CCDC38: variants seen among roughly 807,000 people sequenced by gnomAD.
CCDC38 encodes the protein coiled-coil domain-containing protein 38.
In CCDC38, 69 loss-of-function variants were observed where a neutral mutation model predicts 72.8. The ratio of observed to expected loss-of-function variants is 0.95; its 90% CI spans 0.78 to 1.16. The LOEUF is 1.16. Among genes scored for constraint, CCDC38 ranks in the 50% most tolerant of loss-of-function variants. The probability of loss-of-function intolerance (pLI) is 0.00; values close to 1 mark genes in which losing one functional copy is unlikely to be tolerated. For missense variants in CCDC38, 626 were observed against 638.9 expected, an observed-to-expected ratio of 0.98 and a Z score of 0.22; for synonymous variants, 201 against 213.2, an observed-to-expected ratio of 0.94 and a Z score of 0.50.
intron 2 of CCDC38, chr12:95,934,303 C>T (rs953888563): frequency 2.0e-5 from 3 of 151,960 alleles, no homozygotes; most frequent in Admixed American, 6.6e-5. Context: ...TGAAGATCCT[C>T]GTCTTTGGGT....
chr12:95,902,050 C>T (rs2079955675), intron 5 of CCDC38, among the ~76,000 whole-genome samples: 1 of 152,040 alleles, frequency 6.6e-6, no homozygotes, highest in Non-Finnish European at 1.5e-5. Context: ...GTTAGCCAAA[C>T]TGATATCTAA....
intron 4 of CCDC38, among the ~76,000 whole-genome samples, chr12:95,909,727 G>C (rs555538220): frequency 1.3e-5 from 2 of 152,198 alleles, no homozygotes; most frequent in East Asian, 3.9e-4. Flanking sequence ...TTTACTCCTA[G>C]AATACAAGGT....
chr12:95,936,805 T>C (rs185467720), intron 1 of CCDC38, among the ~76,000 whole-genome samples: 1 of 152,334 alleles, frequency 6.6e-6, no homozygotes, highest in Admixed American at 6.5e-5. Flanking sequence ...AAATTCCAGT[T>C]GGCCCTTAAA....
rs2079869975 is a variant in CCDC38, at chr12:95,894,991, G to A, written c.770C>T (p.Ala257Val). 3 of 1,604,952 alleles carry A rather than the reference G, an allele frequency of 1.9e-6. No homozygotes were observed. Among genetic ancestry groups the A allele is most frequent in the Non-Finnish European group, 2.5e-6 (3 of 1,176,770 alleles). Residue 257 changes from alanine to valine, a missense_variant and splice_region_variant, in exon 8 of 16, where the codon GCA (alanine) becomes GTA (valine). Ala to Val is a moderately conservative substitution (Grantham distance 64). Coordinates refer to ENST00000344280, the MANE Select transcript of CCDC38 (RefSeq NM_182496.3). ...KANIILPKIL[A>V]KLSLHSSNKE... is the part of the protein sequence containing the mutation. ...AAAGTTGAGTATAAGTAACTTACTT[G>A]CTAATATTTTTGGAAGGATGATATT...
rs377546010 is a variant in CCDC38 at position 95,890,730 on chromosome 12, C to T, written c.871+102G>A. The stretch of plus-strand genomic sequence containing the variant: ...CTGCTAGGATTGAGGGTGGGGTGGA[C>T]ACAGCCCTCCATTTTCCAGGTTGGC... On this transcript the variant is annotated intron_variant, in intron 9 of 15. Coordinates refer to ENST00000344280, the MANE Select transcript of CCDC38 (RefSeq NM_182496.3). 7.3e-4 allele frequency: 464 copies of T among 635,658 alleles called. 7 individuals carry two copies. The South Asian group carries it at 8.8e-3, about 12-fold the overall frequency. The allele number at this position is 635,658 out of a possible 1,614,324, so 39.4% of individuals were successfully genotyped here. A position where few individuals can be genotyped will look rare whatever the true frequency, so the allele number is the denominator to read the frequency against.
intron 13 of CCDC38, among the ~76,000 whole-genome samples, chr12:95,875,256 A>G (rs534225712): frequency 1.3e-5 from 2 of 152,160 alleles, no homozygotes; most frequent in Non-Finnish European, 2.9e-5. Flanking sequence ...GGGGCTGATA[A>G]TGGTGTATTC....
intron 12 of CCDC38, 29 bp from the exon 13 acceptor site, chr12:95,878,375 T>C (rs1233712519): frequency 1.2e-6 from 2 of 1,600,894 alleles, no homozygotes; most frequent in Non-Finnish European, 1.7e-6. Context: ...GAGACCCTCA[T>C]CTGAAATTTG....
At chr12:95,883,039 C>T (rs1209870949) in intron 10 of CCDC38, among the ~76,000 whole-genome samples, 1 of 152,206 alleles carries the variant, frequency 6.6e-6, no homozygotes, top group East Asian at 1.9e-4. Context: ...CTTTTCCCGA[C>T]ACTTCCCTCA....
At position 95,906,390 on chromosome 12, in the gene CCDC38, G is replaced by T. The variant is rs140518254; in HGVS notation, c.366C>A (p.Leu122=). ...FINDQRDRFL[L]EYALSTKRNT... is the part of the protein sequence containing the mutation. ...GGAGAAAAGTTATTTTTACTACCTC[G>T]AGCAGAAACCTGTCTCTCTGGTCAT... The change falls in exon 5 of 16, where the codon CTC becomes CTA. Residue 122 remains leucine (L), a synonymous_variant. Coordinates refer to ENST00000344280, the MANE Select transcript of CCDC38 (RefSeq NM_182496.3). 1.9e-6 allele frequency: 3 copies of T among 1,608,838 alleles called. No homozygotes were observed. The East Asian group carries it at 6.7e-5, about 36-fold the overall frequency.
intron 2 of CCDC38, among the ~76,000 whole-genome samples, chr12:95,928,080 T>C (rs1222053560): frequency 8.6e-5 from 13 of 150,328 alleles, no homozygotes; most frequent in Non-Finnish European, 1.9e-4. Context: ...ATCTGAATGT[T>C]GGCCTGCCTT....
chr12:95,871,556 G>T (rs144419149), intron 14 of CCDC38, among the ~76,000 whole-genome samples: 1 of 152,086 alleles, frequency 6.6e-6, no homozygotes, highest in Non-Finnish European at 1.5e-5. Context: ...GAAAGGCCCC[G>T]GTCAGGCCAT....
intron 5 of CCDC38, chr12:95,903,573 T>C: frequency 1.6e-6 from 1 of 629,238 alleles, no homozygotes; most frequent in Non-Finnish European, 2.9e-6. Flanking sequence ...CTTCTGTTCC[T>C]ACTTTGCTGA....
chr12:95,875,971 C>T (rs1354429614), intron 13 of CCDC38, among the ~76,000 whole-genome samples: 3 of 152,196 alleles, frequency 2.0e-5, no homozygotes, highest in Non-Finnish European at 4.4e-5. Flanking sequence ...GGAGATATCA[C>T]AGATATTTAT....
intron 2 of CCDC38, among the ~76,000 whole-genome samples, chr12:95,935,686 T>A (rs1461287249): frequency 6.6e-6 from 1 of 152,202 alleles, no homozygotes; most frequent in African/African-American, 2.4e-5. Flanking sequence ...TATTACAAAC[T>A]CTTAGTGTTA....
Position 95,878,238 on chromosome 12 carries a change from G to A in CCDC38, c.1251C>T (p.Ser417=), listed in dbSNP as rs775588932. Residue 417 remains serine, a synonymous_variant, in exon 13 of 16, where the codon AGC becomes AGT. Coordinates refer to ENST00000344280, the MANE Select transcript of CCDC38 (RefSeq NM_182496.3). ...GAGCATCTGAATTAAATTCTCCAAA[G>A]CTAAAGAGCTTGGACTTTAATTGCA... ...AELQLKSKLF[S]FGEFNSDAQE... is the part of the protein sequence containing the mutation. 5.0e-6 allele frequency: 8 copies of A among 1,613,416 alleles called. No individual in the cohort carries two copies. The South Asian group carries it at 5.5e-5, about 11-fold the overall frequency.
At chr12:95,870,885 T>C (rs889873601) in intron 14 of CCDC38, among the ~76,000 whole-genome samples, 4 of 152,206 alleles carry the variant, frequency 2.6e-5, no homozygotes, top group Admixed American at 6.5e-5. Context: ...CCAAGCATGC[T>C]CTCATAATTT....
chr12:95,919,370 T>A (rs991668717), intron 2 of CCDC38: 2 of 379,470 alleles, frequency 5.3e-6, no homozygotes, highest in Non-Finnish European at 1.0e-5. Flanking sequence ...GTACGGCTGC[T>A]GGGATTAGGC....
Position 95,878,335 on chromosome 12 carries a change from A to G in CCDC38, c.1154T>C (p.Ile385Thr), listed in dbSNP as rs149118920. The G allele has an allele frequency of 3.5e-4, 568 of 1,611,706 alleles. No individual in the cohort carries two copies. The highest frequency in any genetic ancestry group is 4.4e-4 in the Non-Finnish European group (521 of 1,179,328). Reference protein sequence around the residue: ...KVIQDKTNSNIEFLLEQEKML... With the variant: ...KVIQDKTNSNTEFLLEQEKML... Reference sequence around the variant, plus strand: ...TTTTTCTTGCTCCAAAAGAAACTCTATGTTGCTATTTCTATTACAAAAGAA... The same window carrying G: ...TTTTTCTTGCTCCAAAAGAAACTCTGTGTTGCTATTTCTATTACAAAAGAA... Residue 385 changes from isoleucine (I) to threonine (T), a missense_variant, in exon 13 of 16, where the codon ATA (isoleucine) becomes ACA (threonine). By Grantham distance (89) the Ile-to-Thr change is moderately conservative. Transcript: ENST00000344280.
intron 4 of CCDC38, among the ~76,000 whole-genome samples, chr12:95,912,836 G>A (rs1471959171): frequency 1.3e-5 from 2 of 152,158 alleles, no homozygotes; most frequent in African/African-American, 4.8e-5. Context: ...GAGGTAGGTG[G>A]ATCGCTTCAG....
Sources: allele counts gnomAD v4.1 joint callset (sites outside exome capture counted in the v4.1 genomes callset), GRCh38; gene constraint gnomAD v4.1.1; transcripts MANE v1.5; gene names NCBI Gene and HGNC (gene_info 2026-07-23, HGNC 2026-07-21).